CEMIP2: variants seen among roughly 807,000 people sequenced by gnomAD.
CEMIP2 encodes cell surface hyaluronidase CEMIP2.
A neutral mutation model predicts 146.9 loss-of-function variants in CEMIP2; 79 were observed. The observed-to-expected ratio is 0.54, with a 90% CI of 0.45 to 0.65. CEMIP2 has a LOEUF of 0.65. Ranked by LOEUF, CEMIP2 falls within the 30% of genes least tolerant of loss-of-function variation. The probability of loss-of-function intolerance (pLI) is 0.00; values close to 1 mark genes in which losing one functional copy is unlikely to be tolerated. For missense variants in CEMIP2, 1,596 were observed against 1,696.2 expected, an observed-to-expected ratio of 0.94 and a Z score of 1.04; for synonymous variants, 601 against 606.3, an observed-to-expected ratio of 0.99 and a Z score of 0.13.
intron 1 of CEMIP2, 25 bp from the exon 2 acceptor site, chr9:71,750,410 C>T (rs1824215971): frequency 3.4e-6 from 5 of 1,467,492 alleles, no homozygotes; most frequent in African/African-American, 2.8e-5. Flanking sequence ...AAAAATTAAG[C>T]TTCAGTATGT....
intron 1 of CEMIP2, among the ~76,000 whole-genome samples, chr9:71,751,073 T>C (rs1430075235): frequency 1.3e-5 from 2 of 152,236 alleles, no homozygotes; most frequent in Non-Finnish European, 2.9e-5. Flanking sequence ...AAATGGTTTT[T>C]TTAAAGTACT....
chr9:71,741,323 G>A (rs1369026158), intron 4 of CEMIP2, among the ~76,000 whole-genome samples: 5 of 147,066 alleles, frequency 3.4e-5, no homozygotes, highest in African/African-American at 7.6e-5. Context: ...TCAGCCTCCC[G>A]AGTAGCTGGG....
At chr9:71,685,424 A>C (rs2131842127) in intron 23 of CEMIP2, 31 bp from the exon 24 acceptor site, 2 of 1,466,096 alleles carry the variant, frequency 1.4e-6, no homozygotes, top group Admixed American at 2.5e-5. Context: ...GAAAAAGAAA[A>C]AAAATCAATT....
intron 1 of CEMIP2, among the ~76,000 whole-genome samples, chr9:71,764,340 A>C (rs1297631301): frequency 1.3e-5 from 2 of 152,266 alleles, no homozygotes; most frequent in African/African-American, 4.8e-5. Context: ...TCAAAGCCCA[A>C]ATACAAATTA....
intron 3 of CEMIP2, 22 bp downstream of exon 3, chr9:71,746,179 A>G (rs1824081875): frequency 1.9e-6 from 3 of 1,609,216 alleles, no homozygotes; most frequent in Non-Finnish European, 2.5e-6. Flanking sequence ...TGCAGTTCCC[A>G]TAGGCAGGAA....
chr9:71,727,618 T>C (rs1823428728), intron 10 of CEMIP2, among the ~76,000 whole-genome samples: 1 of 152,094 alleles, frequency 6.6e-6, no homozygotes, highest in Non-Finnish European at 1.5e-5. Flanking sequence ...TGCTTCATCT[T>C]AGCAAACAAT....
At chr9:71,701,844 T>G (rs1822570863) in intron 18 of CEMIP2, among the ~76,000 whole-genome samples, 1 of 152,230 alleles carries the variant, frequency 6.6e-6, no homozygotes, top group Non-Finnish European at 1.5e-5. Context: ...TTTAATAATT[T>G]TTAGCCATAT....
rs1299094983 is a variant in CEMIP2 at position 71,729,934 on chromosome 9, G to C, written c.1980-20C>G. On this transcript the variant is annotated intron_variant, in intron 9 of 23. Coordinates refer to ENST00000377044, the MANE Select transcript of CEMIP2 (RefSeq NM_013390.3). ...ACAGCCCTGCAAGGCATTTTTCAAG[G>C]TGATTTAAACATTCTTCATAAAAAC... is the stretch of plus-strand genomic sequence containing the variant. 1.2e-6 allele frequency: 2 copies of C among 1,613,916 alleles called. No homozygotes were observed. Among genetic ancestry groups the C allele is most frequent in the Non-Finnish European group, 1.7e-6 (2 of 1,179,848 alleles).
chr9:71,749,685 A>T (rs574915058), intron 2 of CEMIP2, among the ~76,000 whole-genome samples: 4 of 152,114 alleles, frequency 2.6e-5, no homozygotes, highest in Non-Finnish European at 5.9e-5. Context: ...CAGCCAGGAC[A>T]ACAGAGCAAG....
In CEMIP2 at chr9:71,698,129, T is replaced by G; in HGVS notation, c.3453A>C (p.Arg1151Ser). Residue 1151 changes from arginine to serine, a missense_variant, in exon 20 of 24, where the codon AGA becomes AGC. By Grantham distance (110) the Arg-to-Ser change is moderately radical. Coordinates refer to ENST00000377044, the MANE Select transcript of CEMIP2 (RefSeq NM_013390.3). Reference protein sequence around the residue: ...HSYCSSQGCERVKIQAATDSK... With the variant: ...HSYCSSQGCESVKIQAATDSK... ...AGTCTGTGGCTGCTTGGATCTTGAC[T>G]CTTTCACATCCCTGAGATGAACAGT... 1.2e-6 allele frequency: 2 copies of G among 1,614,156 alleles called. No homozygotes were observed. The highest frequency in any genetic ancestry group is 1.7e-6 in the Non-Finnish European group (2 of 1,180,036).
chr9:71,691,658 C>A (rs1009613541), intron 21 of CEMIP2, among the ~76,000 whole-genome samples: 2 of 152,040 alleles, frequency 1.3e-5, no homozygotes, highest in African/African-American at 4.8e-5. Flanking sequence ...GCTTAAAAAA[C>A]CCACAATACT....
At position 71,732,374 on chromosome 9, in the gene CEMIP2, C is replaced by T. The variant is rs1380939817; in HGVS notation, c.1540G>A (p.Asp514Asn). ...AENQCQFFDY[D>N]TFGGHIMIMK... ...ACCATAATGTGTCCCCCAAAGGTATCATAATCAAAAAATTGGCACTGATTT... is the reference window on the plus strand; with the variant it reads ...ACCATAATGTGTCCCCCAAAGGTATTATAATCAAAAAATTGGCACTGATTT... The change falls in exon 7 of 24, where the codon GAT becomes AAT. Residue 514 changes from aspartate to asparagine, a missense_variant. By Grantham distance (23) the Asp-to-Asn change is conservative. Transcript: ENST00000377044. 3 of 1,612,348 alleles carry T rather than the reference C, an allele frequency of 1.9e-6. No homozygotes were observed. Among genetic ancestry groups the T allele is most frequent in the African/African-American group, 1.3e-5 (1 of 74,822 alleles).
At chr9:71,718,337 A>C (rs979419548) in intron 12 of CEMIP2, among the ~76,000 whole-genome samples, 4 of 152,206 alleles carry the variant, frequency 2.6e-5, no homozygotes, top group Non-Finnish European at 5.9e-5. Context: ...ACTGCAGAAT[A>C]TTATTGCATA....
intron 11 of CEMIP2, among the ~76,000 whole-genome samples, chr9:71,724,349 A>G (rs1823323507): frequency 6.6e-6 from 1 of 152,176 alleles, no homozygotes; most frequent in African/African-American, 2.4e-5. Flanking sequence ...ACCATTTACA[A>G]TTAAGAAAAA....
At chr9:71,751,797 G>A (rs1157462717) in intron 1 of CEMIP2, among the ~76,000 whole-genome samples, 1 of 152,126 alleles carries the variant, frequency 6.6e-6, no homozygotes, top group Non-Finnish European at 1.5e-5. Flanking sequence ...AGGCACTCAA[G>A]TTTGGGTGTT....
At chr9:71,728,193 TTCTCTCTCTCTCTCTCTCTC>T (rs369654117) in intron 10 of CEMIP2, among the ~76,000 whole-genome samples, 1 of 29,610 alleles carries the variant, frequency 3.4e-5, no homozygotes, top group African/African-American at 1.4e-4. Flanking sequence ...CAGCGAAACC[TTCTCTCTCTCTCTCTCTCTC>T]TCTCTCTCTC....
intron 1 of CEMIP2, among the ~76,000 whole-genome samples, chr9:71,751,068 GT>G (rs1425768608): frequency 1.3e-5 from 2 of 152,104 alleles, no homozygotes; most frequent in African/African-American, 2.4e-5. Flanking sequence ...ATCATAAATG[GT>G]TTTTTTAAAG....
chr9:71,751,696 C>A (rs965888852), intron 1 of CEMIP2, among the ~76,000 whole-genome samples: 2 of 152,126 alleles, frequency 1.3e-5, no homozygotes, highest in Admixed American at 6.5e-5. Context: ...GCAGGTCACA[C>A]TTTGAGTATC....
intron 22 of CEMIP2, among the ~76,000 whole-genome samples, chr9:71,689,048 C>T (rs1017588774): frequency 6.6e-6 from 1 of 152,090 alleles, no homozygotes; most frequent in African/African-American, 2.4e-5. Flanking sequence ...TGCAGGACTA[C>T]CATGTTGTCC....
Sources: allele counts gnomAD v4.1 joint callset (sites outside exome capture counted in the v4.1 genomes callset), GRCh38; gene constraint gnomAD v4.1.1; transcripts MANE v1.5; gene names NCBI Gene and HGNC (gene_info 2026-07-23, HGNC 2026-07-21).